Variants in ABCB4 observed in about 807,000 individuals in gnomAD.
ABCB4 encodes phosphatidylcholine translocator ABCB4.
In ABCB4, 76 loss-of-function variants were observed where a neutral mutation model predicts 145.7. The ratio of observed to expected loss-of-function variants is 0.52; its 90% confidence interval spans 0.43 to 0.63. The LOEUF is 0.63. Ranked by LOEUF, ABCB4 falls within the 30% of genes least tolerant of loss-of-function variation. The pLI is 0.00. For synonymous variants in ABCB4, 517 were observed against 566.8 expected (o/e 0.91, Z 1.25); for missense variants, 1,234 against 1,553.1 (o/e 0.79, Z 3.45).
At chr7:87,412,645 A>G (rs963274307) in intron 22 of ABCB4, among the ~76,000 whole-genome samples, 1 of 152,216 alleles carries the variant, frequency 6.6e-6, no homozygotes, top group Non-Finnish European at 1.5e-5. Context: ...TAATTGAGTT[A>G]CTCTCAAATA....
At position 87,434,144 on chromosome 7, in the gene ABCB4, A is replaced by G. The variant is rs112421501; in HGVS notation, c.1732-2579T>C. On this transcript the variant is annotated intron_variant, in intron 14 of 27. Transcript: ENST00000649586. Reference sequence around the variant, plus strand: ...ATTTTAATAGAGACAGGGTTTCACCATGTTGGCCAGGATGGTCTCAATCTC... The same window carrying G: ...ATTTTAATAGAGACAGGGTTTCACCGTGTTGGCCAGGATGGTCTCAATCTC... 4.8e-3 allele frequency among the ~76,000 whole-genome samples: 633 copies of G among 133,078 alleles called. 7 individuals carry two copies. The highest frequency in any genetic ancestry group is 0.018 in the African/African-American group (604 of 34,498). The allele number at this position is 133,078 out of a possible 152,430, so 87.3% of individuals were successfully genotyped here.
intron 21 of ABCB4, among the ~76,000 whole-genome samples, chr7:87,416,964 A>G (rs959953967): frequency 1.3e-5 from 2 of 152,250 alleles, no homozygotes; most frequent in Non-Finnish European, 2.9e-5. Flanking sequence ...CCGACCCTGA[A>G]CAATTCACTT....
At chr7:87,368,737 G>C in the ABCB4 span, among the ~76,000 whole-genome samples, 2 of 152,014 alleles carry the variant, frequency 1.3e-5, no homozygotes, top group Non-Finnish European at 2.9e-5. Flanking sequence ...AAGATCCTTG[G>C]CAAAAGGACA....
upstream of ABCB4, chr7:87,475,781 A>C (rs1813779735): frequency 4.7e-6 from 1 of 210,934 alleles, no homozygotes. Context: ...CGTTGCAGCC[A>C]GGGCGAGGGC....
intron 26 of ABCB4, among the ~76,000 whole-genome samples, chr7:87,404,449 G>A (rs1808037327): frequency 1.3e-5 from 2 of 151,984 alleles, no homozygotes; most frequent in Non-Finnish European, 2.9e-5. Flanking sequence ...TTGGGCCTAG[G>A]GCTAGGCAAC....
intron 26 of ABCB4, among the ~76,000 whole-genome samples, chr7:87,404,244 ACGTCAG>A (rs1404263456): frequency 2.6e-5 from 4 of 152,180 alleles, no homozygotes; most frequent in Non-Finnish European, 5.9e-5. Context: ...ATTAAGCTCT[ACGTCAG>A]TGTAACCCAG....
At chr7:87,447,976 T>C (rs1032388944) in intron 8 of ABCB4, among the ~76,000 whole-genome samples, 1 of 152,228 alleles carries the variant, frequency 6.6e-6, no homozygotes, top group Non-Finnish European at 1.5e-5. Context: ...ATTAGTATCA[T>C]TGTGTTCAAC....
intron 4 of ABCB4, among the ~76,000 whole-genome samples, chr7:87,460,010 C>G (rs1398179537): frequency 6.6e-6 from 1 of 152,006 alleles, no homozygotes. Flanking sequence ...TTTGTAGTTT[C>G]TTTGATTTTT....
Position 87,418,556 on chromosome 7 carries a change from T to C in ABCB4, c.2459A>G (p.Asp820Gly), listed in dbSNP as rs1406523815. 2.5e-6 allele frequency: 4 copies of C among 1,614,038 alleles called. No individual in the cohort carries two copies. In the African/African-American group the frequency reaches 5.3e-5, roughly 22 times the overall value. ...ACCTACTCCTTGGACTTGGGCAGCA[T>C]CTGTGGCAAGTCTTGTAGAAAGTGC... The part of the protein sequence containing the change: ...TGALSTRLAT[D>G]AAQVQGATGT... The change falls in exon 20 of 28, where the codon GAT becomes GGT. Residue 820 changes from aspartate (D) to glycine (G), a missense_variant. Physicochemically the swap from Asp to Gly is moderately conservative, Grantham distance 94. Transcript: ENST00000649586.
chr7:87,413,720 G>A lies in ABCB4; in HGVS notation c.2683-3C>T. 1 of 1,584,078 alleles carries A rather than the reference G, an allele frequency of 6.3e-7. No homozygotes were observed. The highest frequency in any genetic ancestry group is 8.7e-7 in the Non-Finnish European group (1 of 1,153,182). On this transcript the variant is annotated splice_polypyrimidine_tract_variant and splice_region_variant and intron_variant, in intron 21 of 27. Transcript: ENST00000649586. ...TTTTCTATTGCCTCTGTTGCAATCT[G>A]TAACACAGAATAGACCTTCATTAGA...
chr7:87,390,364 T>C, the ABCB4 span, among the ~76,000 whole-genome samples: 1 of 152,222 alleles, frequency 6.6e-6, no homozygotes, highest in Non-Finnish European at 1.5e-5. Context: ...GGTTCATTAT[T>C]TCATTTGAGG....
intron 17 of ABCB4, chr7:87,423,671 AATGCCT>A: frequency 1.9e-6 from 1 of 533,734 alleles, no homozygotes; most frequent in South Asian, 2.1e-5. Context: ...AGCTCATTAG[AATGCCT>A]TCTTCATTGA....
chr7:87,447,036 T>C lies in ABCB4; in HGVS notation c.1003A>G (p.Thr335Ala), dbSNP rs573973509. The C allele has an allele frequency of 1.5e-5, 24 of 1,611,808 alleles. No homozygotes were observed. The South Asian group carries it at 2.6e-4, about 18-fold the overall frequency. Residue 335 changes from threonine (T) to alanine (A), a missense_variant and splice_region_variant, in exon 9 of 28, where the codon ACA becomes GCA. By Grantham distance (58) the Thr-to-Ala change is moderately conservative. This residue lies in a region of ABCB4 where 467 missense variants were observed against 632.8 expected (regional missense o/e 0.74). Coordinates refer to ENST00000649586, the MANE Select transcript of ABCB4 (RefSeq NM_000443.4). ...SKEYTIGNAM[T>A]VFFSILIGAF... Reference sequence around the variant, plus strand: ...TAAATGTTAGGAGAACTACTTACTGTCATTGCATTTCCAATAGTATATTCT... The same window carrying C: ...TAAATGTTAGGAGAACTACTTACTGCCATTGCATTTCCAATAGTATATTCT...
intron 14 of ABCB4, among the ~76,000 whole-genome samples, chr7:87,434,257 T>C (rs1273867364): frequency 6.6e-6 from 1 of 151,944 alleles, no homozygotes; most frequent in African/African-American, 2.4e-5. Context: ...TTTGTTTCTT[T>C]TCCTGTTCTT....
chr7:87,465,763 C>T (rs968730711), intron 3 of ABCB4, among the ~76,000 whole-genome samples: 3 of 152,180 alleles, frequency 2.0e-5, no homozygotes, highest in Non-Finnish European at 2.9e-5. Context: ...GTTCTGCAGC[C>T]TCCGCTGCTG....
At chr7:87,373,880 G>A in the ABCB4 span, among the ~76,000 whole-genome samples, 1 of 152,000 alleles carries the variant, frequency 6.6e-6, no homozygotes, top group African/African-American at 2.4e-5. Flanking sequence ...ACGACAATGG[G>A]ACCATGTGAA....
At chr7:87,424,664 C>A (rs1470369936) in intron 16 of ABCB4, among the ~76,000 whole-genome samples, 1 of 152,176 alleles carries the variant, frequency 6.6e-6, no homozygotes, top group Non-Finnish European at 1.5e-5. Flanking sequence ...TTTCCCTGTG[C>A]AGACTTCTCT....
downstream of ABCB4, chr7:87,399,043 T>G (rs1807655605): frequency 5.7e-6 from 1 of 176,028 alleles, no homozygotes; most frequent in Admixed American, 5.8e-5. Flanking sequence ...GCACTTTAAT[T>G]TTTTTAGCTG....
chr7:87,413,628 A>G lies in ABCB4; in HGVS notation c.2772T>C (p.Tyr924=). ...KFESMYVEKL[Y]GPYRNSVQKA... ...ATATGGTTCATTACCTGTAAGGTCCATACAATTTTTCAACATACATTGATT... is the reference window on the plus strand; with the variant it reads ...ATATGGTTCATTACCTGTAAGGTCCGTACAATTTTTCAACATACATTGATT... Residue 924 remains tyrosine (Y), a synonymous_variant, in exon 22 of 28, where the codon TAT becomes TAC. Coordinates refer to ENST00000649586, the MANE Select transcript of ABCB4 (RefSeq NM_000443.4). 6.2e-7 allele frequency: 1 copy of G among 1,603,242 alleles called. No individual in the cohort carries two copies. Among genetic ancestry groups the G allele is most frequent in the Non-Finnish European group, 8.5e-7 (1 of 1,171,168 alleles).
Sources: allele counts gnomAD v4.1 joint callset (sites outside exome capture counted in the v4.1 genomes callset), GRCh38; gene constraint gnomAD v4.1.1; regional missense constraint gnomAD v4.1.1; transcripts MANE v1.5; gene names NCBI Gene and HGNC (gene_info 2026-07-23, HGNC 2026-07-21).